Variants in CDH8 observed in about 807,000 individuals in gnomAD.
The protein encoded by CDH8 is cadherin-8.
In CDH8, 17 loss-of-function variants were observed where a neutral mutation model predicts 68.1. The ratio of observed to expected loss-of-function variants is 0.25; its 90% CI spans 0.17 to 0.37. CDH8 has a LOEUF of 0.37. CDH8 is among the 10% of genes least tolerant of loss of function. The pLI is 1.00. For synonymous variants in CDH8, 372 were observed against 365.1 expected (o/e 1.02, Z -0.21); for missense variants, 763 against 999.3 (o/e 0.76, Z 3.19).
intron 3 of CDH8, among the ~76,000 whole-genome samples, chr16:61,859,787 T>C (rs938239268): frequency 1.3e-5 from 2 of 152,162 alleles, no homozygotes; most frequent in African/African-American, 4.8e-5. Context: ...AACATAACAA[T>C]ATTAAGAGGT....
At chr16:61,892,951 G>A (rs1353764919) in intron 3 of CDH8, among the ~76,000 whole-genome samples, 2 of 152,212 alleles carry the variant, frequency 1.3e-5, no homozygotes, top group Non-Finnish European at 2.9e-5. Context: ...AGCTGAACTT[G>A]TAGTTTTCAA....
intron 2 of CDH8, among the ~76,000 whole-genome samples, chr16:61,928,613 C>T (rs994317018): frequency 8.5e-5 from 13 of 152,136 alleles, no homozygotes; most frequent in African/African-American, 2.7e-4. Flanking sequence ...CTAATGCTCC[C>T]ACTAACCATA....
At chr16:61,702,890 T>C (rs185245669) in intron 10 of CDH8, among the ~76,000 whole-genome samples, 20 of 152,202 alleles carry the variant, frequency 1.3e-4, no homozygotes, top group Admixed American at 1.0e-3. Flanking sequence ...TCAGGAAAAA[T>C]GGCAATAATA....
chr16:61,716,948 A>G (rs935231173), intron 9 of CDH8, among the ~76,000 whole-genome samples: 7 of 151,786 alleles, frequency 4.6e-5, no homozygotes, highest in Non-Finnish European at 8.9e-5. Flanking sequence ...AAAAGAACAG[A>G]TTTGTTCAAA....
At chr16:62,016,021 A>G (rs1421341528) in intron 2 of CDH8, among the ~76,000 whole-genome samples, 1 of 152,190 alleles carries the variant, frequency 6.6e-6, no homozygotes, top group Non-Finnish European at 1.5e-5. Context: ...TCAGCTCTGC[A>G]TATAGCCTTG....
chr16:61,960,284 C>CAT lies in CDH8; in HGVS notation c.253-58812_253-58811insAT, dbSNP rs1248864078. The stretch of plus-strand genomic sequence containing the variant: ...ACATATATACGTGTGTGTGTATACA[C>CAT]ACATATATACGTGTGTGTGTATACA... On this transcript the variant is annotated intron_variant, in intron 2 of 11. Transcript: ENST00000577390. Among the ~76,000 whole-genome samples the CAT allele has an allele frequency of 7.0e-5, 6 of 86,172 alleles. 1 individual carries two copies. The highest frequency in any genetic ancestry group is 1.0e-4 in the Non-Finnish European group (5 of 48,406). 56.5% of individuals were successfully genotyped at this position (86,172 alleles called of 152,430 possible). A position where few individuals can be genotyped will look rare whatever the true frequency, so the allele number is the denominator to read the frequency against.
chr16:61,758,586 C>A (rs1006098446), intron 8 of CDH8, among the ~76,000 whole-genome samples: 11 of 152,120 alleles, frequency 7.2e-5, no homozygotes, highest in Non-Finnish European at 1.3e-4. Context: ...GTGCATGCCA[C>A]CACGCCTGGC....
intron 1 of CDH8, among the ~76,000 whole-genome samples, chr16:62,033,934 C>G (rs577486537): frequency 1.3e-5 from 2 of 152,002 alleles, no homozygotes; most frequent in Admixed American, 6.5e-5. Context: ...TATGTGACAG[C>G]GAGCTTCAAA....
intron 5 of CDH8, among the ~76,000 whole-genome samples, chr16:61,823,625 C>A (rs1962264434): frequency 6.6e-6 from 1 of 151,876 alleles, no homozygotes; most frequent in African/African-American, 2.4e-5. Context: ...GATTTAATTT[C>A]TTTTCAGTTT....
chr16:61,875,657 T>C (rs1963444987), intron 3 of CDH8, among the ~76,000 whole-genome samples: 1 of 152,212 alleles, frequency 6.6e-6, no homozygotes, highest in African/African-American at 2.4e-5. Context: ...CTGAAAAGTT[T>C]TCCTCTCCTA....
At chr16:61,948,802 C>A (rs1964840517) in intron 2 of CDH8, among the ~76,000 whole-genome samples, 1 of 152,046 alleles carries the variant, frequency 6.6e-6, no homozygotes, top group East Asian at 1.9e-4. Flanking sequence ...ATATTTTTGA[C>A]AAAAATAGAA....
At chr16:61,717,180 T>A (rs911001014) in intron 9 of CDH8, among the ~76,000 whole-genome samples, 1 of 151,700 alleles carries the variant, frequency 6.6e-6, no homozygotes, top group Non-Finnish European at 1.5e-5. Context: ...AAAGTTAGTA[T>A]GCAACTGAAA....
chr16:61,846,594 G>A (rs1962810838), intron 4 of CDH8, among the ~76,000 whole-genome samples: 2 of 152,118 alleles, frequency 1.3e-5, no homozygotes, highest in Non-Finnish European at 2.9e-5. Flanking sequence ...AAATGTGACA[G>A]AAGTGGTCAG....
At chr16:61,742,552 A>G (rs1363933513) in intron 8 of CDH8, among the ~76,000 whole-genome samples, 1 of 152,162 alleles carries the variant, frequency 6.6e-6, no homozygotes, top group Admixed American at 6.5e-5. Context: ...TTATTATGAA[A>G]AAGAAATGCA....
intron 8 of CDH8, among the ~76,000 whole-genome samples, chr16:61,756,035 C>T (rs1596936897): frequency 1.3e-5 from 2 of 151,884 alleles, no homozygotes; most frequent in South Asian, 4.2e-4. Context: ...TGACCAGGCT[C>T]GTCTCAAACT....
chr16:61,714,922 C>T (rs1333204984), intron 9 of CDH8, among the ~76,000 whole-genome samples: 1 of 151,080 alleles, frequency 6.6e-6, no homozygotes, highest in East Asian at 2.0e-4. Context: ...TCCCATTGAA[C>T]TTTGAAATGT....
At chr16:61,824,744 G>A (rs536872968) in intron 5 of CDH8, among the ~76,000 whole-genome samples, 1 of 151,988 alleles carries the variant, frequency 6.6e-6, no homozygotes, top group South Asian at 2.1e-4. Context: ...AGAAATAGCA[G>A]GCAAAAGAGA....
intron 3 of CDH8, among the ~76,000 whole-genome samples, chr16:61,869,892 A>T (rs1412104439): frequency 2.0e-5 from 3 of 152,234 alleles, no homozygotes; most frequent in Non-Finnish European, 4.4e-5. Flanking sequence ...TAGTTGCCAT[A>T]TTCAAGACTC....
intron 2 of CDH8, among the ~76,000 whole-genome samples, chr16:61,934,833 C>T (rs1964603621): frequency 1.3e-5 from 2 of 152,128 alleles, no homozygotes; most frequent in Admixed American, 1.3e-4. Flanking sequence ...GTCTGATTGT[C>T]ACCCGAAGCT....
Sources: allele counts gnomAD v4.1 joint callset (sites outside exome capture counted in the v4.1 genomes callset), GRCh38; gene constraint gnomAD v4.1.1; transcripts MANE v1.5; gene names NCBI Gene and HGNC (gene_info 2026-07-23, HGNC 2026-07-21).